The following PTPRJ variants were observed in gnomAD, a reference collection of about 807,000 sequenced individuals.
The protein encoded by PTPRJ is protein tyrosine phosphatase receptor type J.
In PTPRJ, 129 loss-of-function variants were observed where a neutral mutation model predicts 141.3. The observed-to-expected ratio is 0.91, with a 90% CI of 0.79 to 1.06. The LOEUF (loss-of-function observed/expected upper bound fraction) is 1.06. Ranked by LOEUF, PTPRJ falls within the 50% of genes least tolerant of loss-of-function variation. PTPRJ has a pLI of 0.00. For missense variants in PTPRJ, 1,601 were observed against 1,679.7 expected (o/e 0.95, Z 0.82); for synonymous variants, 610 against 640.5 (o/e 0.95, Z 0.72).
At chr11:48,021,480 A>C (rs985430941) in intron 1 of PTPRJ, among the ~76,000 whole-genome samples, 2 of 152,102 alleles carry the variant, frequency 1.3e-5, no homozygotes, top group African/African-American at 4.8e-5. Flanking sequence ...CATTTCTAAT[A>C]GATGTTATGG....
At position 48,112,968 on chromosome 11, in the gene PTPRJ, A is replaced by C. The variant is rs559628758; in HGVS notation, c.337A>C (p.Thr113Pro). 71 of 1,612,876 alleles carry C rather than the reference A, an allele frequency of 4.4e-5. 1 individual carries two copies. In the Admixed American group the frequency reaches 1.2e-3, roughly 27 times the overall value. Residue 113 changes from threonine (T) to proline (P), a missense_variant, in exon 3 of 25, where the codon ACT becomes CCT. Coordinates refer to ENST00000418331, the MANE Select transcript of PTPRJ (RefSeq NM_002843.4). ...TGGGACTGATGGGGCATCTCAAAAA[A>C]CTCCCAGTAGCACTGGTAAGCATAG... ...SNGTDGASQK[T>P]PSSTGPSPVF...
At chr11:48,013,566 TG>T (rs764550710) in intron 1 of PTPRJ, among the ~76,000 whole-genome samples, 8 of 152,102 alleles carry the variant, frequency 5.3e-5, no homozygotes, top group Non-Finnish European at 8.8e-5. Flanking sequence ...CATGGGGGAA[TG>T]GGTGGTTGTC....
intron 1 of PTPRJ, among the ~76,000 whole-genome samples, chr11:48,090,621 T>C (rs1324814578): frequency 1.3e-5 from 2 of 152,216 alleles, no homozygotes; most frequent in African/African-American, 4.8e-5. Context: ...AGACCCAGCA[T>C]ACCTCAGTGT....
At position 48,042,391 on chromosome 11, in the gene PTPRJ, C is replaced by G. The variant is rs190306996; in HGVS notation, c.96+61383C>G. Among the ~76,000 whole-genome samples, 114 of 152,234 alleles carry G rather than the reference C, an allele frequency of 7.5e-4. 4 individuals are homozygous for G. The East Asian group carries it at 0.012, about 16-fold the overall frequency. On this transcript the variant is annotated intron_variant, in intron 1 of 24. Coordinates refer to ENST00000418331, the MANE Select transcript of PTPRJ (RefSeq NM_002843.4). Reference sequence around the variant, plus strand: ...TGGTGTATTTTTCTAATGTTTGAACCAATGGGCTTTTTCATTTTGGGGCAA... The same window carrying G: ...TGGTGTATTTTTCTAATGTTTGAACGAATGGGCTTTTTCATTTTGGGGCAA...
intron 10 of PTPRJ, among the ~76,000 whole-genome samples, chr11:48,137,681 C>A (rs1170678327): frequency 6.6e-6 from 1 of 152,092 alleles, no homozygotes; most frequent in Non-Finnish European, 1.5e-5. Flanking sequence ...GGGGCCTGTG[C>A]AGCATCACCA....
At chr11:48,069,225 G>A (rs568867859) in intron 1 of PTPRJ, among the ~76,000 whole-genome samples, 10 of 151,340 alleles carry the variant, frequency 6.6e-5, no homozygotes, top group Non-Finnish European at 1.0e-4. Context: ...TCAGCCTCCC[G>A]AGTAGCTGGG....
intron 1 of PTPRJ, among the ~76,000 whole-genome samples, chr11:48,037,088 T>C (rs1180406771): frequency 6.6e-6 from 1 of 152,182 alleles, no homozygotes. Flanking sequence ...AAGCGTAAAA[T>C]ATAGTTTGGA....
chr11:48,132,204 A>G, intron 8 of PTPRJ: 3 of 985,372 alleles, frequency 3.0e-6, no homozygotes, highest in Non-Finnish European at 3.6e-6. Context: ...CTGTGATGAG[A>G]TACTTTGTTA....
intron 22 of PTPRJ, among the ~76,000 whole-genome samples, chr11:48,162,315 C>T (rs1232099114): frequency 2.0e-5 from 3 of 151,818 alleles, no homozygotes; most frequent in Non-Finnish European, 2.9e-5. Flanking sequence ...GTATAACCCT[C>T]CTCACTTCTC....
chr11:48,080,410 C>T (rs1855527451), intron 1 of PTPRJ, among the ~76,000 whole-genome samples: 1 of 152,196 alleles, frequency 6.6e-6, no homozygotes, highest in Non-Finnish European at 1.5e-5. Context: ...GAAAGGCCAA[C>T]TTGCCTGTGA....
chr11:48,013,186 A>C (rs145966465), intron 1 of PTPRJ, among the ~76,000 whole-genome samples: 26 of 151,468 alleles, frequency 1.7e-4, no homozygotes, highest in African/African-American at 6.3e-4. Context: ...CAGACAGGTG[A>C]TGTTAAATTC....
chr11:48,096,379 A>G (rs1283509967), intron 1 of PTPRJ, among the ~76,000 whole-genome samples: 1 of 152,042 alleles, frequency 6.6e-6, no homozygotes, highest in Non-Finnish European at 1.5e-5. Context: ...GGCCGATGGG[A>G]TTGTTTTTAA....
chr11:47,997,312 A>G (rs1358167041), intron 1 of PTPRJ, among the ~76,000 whole-genome samples: 1 of 152,248 alleles, frequency 6.6e-6, no homozygotes, highest in Non-Finnish European at 1.5e-5. Context: ...ATGCCCTGGC[A>G]GTCTTACTAG....
chr11:48,070,548 TA>T (rs1180083295), intron 1 of PTPRJ, among the ~76,000 whole-genome samples: 1 of 150,932 alleles, frequency 6.6e-6, no homozygotes, highest in African/African-American at 2.4e-5. Flanking sequence ...TGGGACTCAG[TA>T]GATCAGTAGA....
chr11:48,004,620 A>G (rs1254912109), intron 1 of PTPRJ, among the ~76,000 whole-genome samples: 1 of 152,110 alleles, frequency 6.6e-6, no homozygotes, highest in Non-Finnish European at 1.5e-5. Flanking sequence ...CAAGTGAGTA[A>G]CTGTTGCTGC....
intron 1 of PTPRJ, among the ~76,000 whole-genome samples, chr11:48,026,189 G>T (rs1028020726): frequency 6.6e-6 from 1 of 152,202 alleles, no homozygotes; most frequent in Admixed American, 6.5e-5. Context: ...TACTTACTGT[G>T]TCCACAGCAT....
intron 16 of PTPRJ, 184 bp downstream of exon 16, chr11:48,149,672 G>T (rs1684682126): frequency 1.6e-5 from 9 of 554,492 alleles, no homozygotes; most frequent in Middle Eastern, 4.7e-4. Flanking sequence ...GTCTCCTGAA[G>T]CTGGCTTCCT....
intron 1 of PTPRJ, among the ~76,000 whole-genome samples, chr11:48,092,320 AAAAG>A (rs1340683322): frequency 6.7e-6 from 1 of 148,254 alleles, no homozygotes; most frequent in Non-Finnish European, 1.5e-5. Flanking sequence ...AAAAAAAAGA[AAAAG>A]AAAAAAAGAA....
rs1590558379 is a variant in PTPRJ at position 48,147,966 on chromosome 11, C to T, written c.2999+1003C>T. Among the ~76,000 whole-genome samples, 3 of 152,238 alleles carry T rather than the reference C, an allele frequency of 2.0e-5. No homozygotes were observed. In the East Asian group the frequency reaches 5.8e-4, roughly 29 times the overall value. ...GTTCAAGTGATTCTGCTGCCTCAGC[C>T]TCTTGAGTAGCTGGGATTACAGGCA... On this transcript the variant is annotated intron_variant, in intron 15 of 24. Coordinates refer to ENST00000418331, the MANE Select transcript of PTPRJ (RefSeq NM_002843.4).
Sources: gnomAD v4.1 joint callset for allele counts (sites outside exome capture counted in the v4.1 genomes callset) on GRCh38, gnomAD v4.1.1 for gene constraint, MANE v1.5 for transcripts, NCBI Gene and HGNC (gene_info 2026-07-23, HGNC 2026-07-21) for gene names.